The following IPPK variants were observed in gnomAD, a reference collection of about 807,000 sequenced individuals.
The protein encoded by IPPK is IPK1 homolog.
Under a neutral mutation model 64.6 loss-of-function variants are expected in IPPK, and 22 were observed. That is an observed-to-expected ratio of 0.34 (90% CI 0.24 to 0.49). The LOEUF is 0.49. Ranked by LOEUF, IPPK falls within the 20% of genes least tolerant of loss-of-function variation. The pLI is 0.99. For missense variants in IPPK, 532 were observed against 630.7 expected (o/e 0.84, Z 1.68); for synonymous variants, 262 against 247.2 (o/e 1.06, Z -0.56).
intron 6 of IPPK, among the ~76,000 whole-genome samples, chr9:92,646,539 A>G (rs919396168): frequency 6.6e-6 from 1 of 152,266 alleles, no homozygotes; most frequent in Non-Finnish European, 1.5e-5. Flanking sequence ...GCAAAAGAGA[A>G]ATCAGAGAAT....
intron 4 of IPPK, 106 bp downstream of exon 4, chr9:92,652,467 A>AAG: frequency 1.9e-6 from 1 of 514,812 alleles, no homozygotes; most frequent in Non-Finnish European, 3.4e-6. Flanking sequence ...AAAAAAAAAA[A>AAG]GGATTACTGA....
intron 1 of IPPK, among the ~76,000 whole-genome samples, chr9:92,665,084 A>T (rs1852566800): frequency 6.6e-6 from 1 of 152,214 alleles, no homozygotes; most frequent in Non-Finnish European, 1.5e-5. Context: ...CAGCTCTCCA[A>T]TGAGCTCAAA....
At chr9:92,655,710 C>T (rs554355242) in intron 3 of IPPK, among the ~76,000 whole-genome samples, 3 of 152,304 alleles carry the variant, frequency 2.0e-5, no homozygotes, top group Admixed American at 1.3e-4. Flanking sequence ...AAACTTGTCA[C>T]GGCACAGAGC....
Position 92,615,377 on chromosome 9 carries a change from T to TA in IPPK, c.*454dup, listed in dbSNP as rs1445493434. 1 of 173,664 alleles carries TA rather than the reference T, an allele frequency of 5.8e-6. No homozygotes were observed. The highest frequency in any genetic ancestry group is 1.2e-5 in the Non-Finnish European group (1 of 81,534). The allele number at this position is 173,664 out of a possible 1,614,324, so 10.8% of individuals were successfully genotyped here. A position where few individuals can be genotyped will look rare whatever the true frequency, so the allele number is the denominator to read the frequency against. The stretch of plus-strand genomic sequence containing the variant: ...GGCTTGCACTGAAAAAGTGACCATG[T>TA]AACTCAGCTGGGGGAAGTTCCAGTA... On this transcript the variant is annotated 3_prime_UTR_variant, in exon 13 of 13. Transcript: ENST00000287996.
At chr9:92,665,255 A>T (rs779831897) in intron 1 of IPPK, among the ~76,000 whole-genome samples, 4 of 152,232 alleles carry the variant, frequency 2.6e-5, no homozygotes, top group Non-Finnish European at 5.9e-5. Context: ...TAAAAATTGT[A>T]AAAGGGAGCG....
chr9:92,621,713 C>T (rs756989823), intron 11 of IPPK, among the ~76,000 whole-genome samples: 10 of 151,960 alleles, frequency 6.6e-5, no homozygotes, highest in Non-Finnish European at 8.8e-5. Flanking sequence ...GACGAGGTCT[C>T]GCTATGTTGC....
intron 1 of IPPK, among the ~76,000 whole-genome samples, chr9:92,661,907 A>C (rs981625302): frequency 6.6e-6 from 1 of 152,230 alleles, no homozygotes; most frequent in South Asian, 2.1e-4. Context: ...TTCGTAATGC[A>C]TAGGCCACAG....
chr9:92,663,536 G>C (rs1383012212), intron 1 of IPPK, among the ~76,000 whole-genome samples: 1 of 152,222 alleles, frequency 6.6e-6, no homozygotes, highest in Non-Finnish European at 1.5e-5. Flanking sequence ...AATATTGGAT[G>C]TTTTTCACTT....
chr9:92,637,989 G>C lies in IPPK; in HGVS notation c.916+12C>G. On this transcript the variant is annotated intron_variant, in intron 9 of 12. Coordinates refer to ENST00000287996, the MANE Select transcript of IPPK (RefSeq NM_022755.6). ...GGCCCCCACCGCCTACCTGGGGAAG[G>C]CTGGGCCCTACCTTGGCAGCGAAGG... The C allele has an allele frequency of 2.6e-6, 4 of 1,541,326 alleles. No homozygotes were observed. Among genetic ancestry groups the C allele is most frequent in the Non-Finnish European group, 3.5e-6 (4 of 1,142,776 alleles).
intron 6 of IPPK, among the ~76,000 whole-genome samples, chr9:92,643,217 C>T (rs1852085395): frequency 1.3e-5 from 2 of 152,246 alleles, no homozygotes; most frequent in Non-Finnish European, 2.9e-5. Context: ...GTTGGCATAA[C>T]ATTTTGAAAG....
In IPPK at chr9:92,615,953, T is replaced by C. The variant is rs1588325474; in HGVS notation, c.1355A>G (p.Tyr452Cys). ...LKPYESIPHQ[Y>C]KLDGKIVNYY... is the part of the protein sequence containing the mutation. ...GTTGACGATCTTGCCGTCCAGTTTA[T>C]ACTGATGGGGAATGCTCTCGTAGGG... The change falls in exon 13 of 13, where the codon TAT becomes TGT. Residue 452 changes from tyrosine to cysteine, a missense_variant. Physicochemically the swap from Tyr to Cys is radical, Grantham distance 194. Transcript: ENST00000287996. The C allele has an allele frequency of 1.2e-6, 2 of 1,614,130 alleles. No individual in the cohort carries two copies. Among genetic ancestry groups the C allele is most frequent in the Non-Finnish European group, 1.7e-6 (2 of 1,180,006 alleles).
At chr9:92,639,897 A>T (rs1287391399) in intron 8 of IPPK, among the ~76,000 whole-genome samples, 1 of 152,196 alleles carries the variant, frequency 6.6e-6, no homozygotes, top group Non-Finnish European at 1.5e-5. Flanking sequence ...AGCAGGCGCC[A>T]TCTGCCCACT....
rs1227128800 is a variant in IPPK, at chr9:92,670,123, G to A, written c.-135C>T. 2 of 566,054 alleles carry A rather than the reference G, an allele frequency of 3.5e-6. No individual in the cohort carries two copies. The highest frequency in any genetic ancestry group is 2.4e-5 in the South Asian group (1 of 41,374). 35.1% of individuals were successfully genotyped at this position (566,054 alleles called of 1,614,324 possible). ...GCTGCCGCCCCCGCTCGACCCCGCC[G>A]CGGCGACTAGCAAGCTGTGGCCGCC... is the stretch of plus-strand genomic sequence containing the variant. On this transcript the variant is annotated 5_prime_UTR_variant, in exon 1 of 13. Coordinates refer to ENST00000287996, the MANE Select transcript of IPPK (RefSeq NM_022755.6).
rs1030958843 is a variant in IPPK at position 92,662,889 on chromosome 9, T to C, written c.82-4208A>G. On this transcript the variant is annotated intron_variant, in intron 1 of 12. Coordinates refer to ENST00000287996, the MANE Select transcript of IPPK (RefSeq NM_022755.6). ...AGCGGAAGGGTAGGTGGCACAGCCA[T>C]GTGGAAAGCGATCTGCAACGTGTGC... is the stretch of plus-strand genomic sequence containing the variant. Among the ~76,000 whole-genome samples, 3 of 152,264 alleles carry C rather than the reference T, an allele frequency of 2.0e-5. 1 individual carries two copies. In the South Asian group the frequency reaches 6.2e-4, roughly 32 times the overall value.
chr9:92,661,540 C>A (rs1426220968), intron 1 of IPPK, among the ~76,000 whole-genome samples: 2 of 152,210 alleles, frequency 1.3e-5, no homozygotes, highest in African/African-American at 4.8e-5. Flanking sequence ...ATTTCCTCCA[C>A]CACCACATCC....
At chr9:92,626,241 C>T (rs2131424005) in intron 11 of IPPK, among the ~76,000 whole-genome samples, 1 of 152,042 alleles carries the variant, frequency 6.6e-6, no homozygotes, top group Non-Finnish European at 1.5e-5. Flanking sequence ...ACTAAAAATA[C>T]AAAAAATTAG....
chr9:92,663,293 T>G (rs1456521961), intron 1 of IPPK, among the ~76,000 whole-genome samples: 3 of 152,156 alleles, frequency 2.0e-5, no homozygotes, highest in African/African-American at 7.2e-5. Context: ...CCTGCAGTAC[T>G]CAGTCCAGAA....
At chr9:92,626,425 A>C (rs1431444434) in intron 11 of IPPK, among the ~76,000 whole-genome samples, 1 of 152,174 alleles carries the variant, frequency 6.6e-6, no homozygotes, top group Non-Finnish European at 1.5e-5. Flanking sequence ...ACTGAAATGG[A>C]AAACTCGATA....
At chr9:92,647,167 A>G (rs1479399526) in intron 6 of IPPK, among the ~76,000 whole-genome samples, 1 of 152,250 alleles carries the variant, frequency 6.6e-6, no homozygotes, top group East Asian at 1.9e-4. Flanking sequence ...CCATCACATT[A>G]GATGAAAATG....
Sources: allele counts gnomAD v4.1 joint callset (sites outside exome capture counted in the v4.1 genomes callset), GRCh38; gene constraint gnomAD v4.1.1; transcripts MANE v1.5; gene names NCBI Gene and HGNC (gene_info 2026-07-23, HGNC 2026-07-21).